The following SFMBT2 variants were observed in gnomAD, a reference collection of about 807,000 sequenced individuals.
SFMBT2 encodes Scm like with four mbt domains 2.
Under a neutral mutation model 110.1 loss-of-function variants are expected in SFMBT2, and 38 were observed. The observed-to-expected ratio is 0.35, with a 90% confidence interval of 0.27 to 0.45. The LOEUF (loss-of-function observed/expected upper bound fraction) is 0.45. SFMBT2 is among the 20% of genes least tolerant of loss of function. The probability of loss-of-function intolerance (pLI) is 1.00; values close to 1 mark genes in which losing one functional copy is unlikely to be tolerated. For missense variants in SFMBT2, 1,011 were observed against 1,094.9 expected, an observed-to-expected ratio of 0.92 and a Z score of 1.08; for synonymous variants, 425 against 425.4, an observed-to-expected ratio of 1.00 and a Z score of 0.01.
At chr10:7,345,075 A>G (rs540038161) in intron 4 of SFMBT2, among the ~76,000 whole-genome samples, 2 of 152,096 alleles carry the variant, frequency 1.3e-5, no homozygotes, top group Non-Finnish European at 2.9e-5. Flanking sequence ...AAGTGAAAGA[A>G]CCCTGACAGG....
chr10:7,339,093 A>G (rs1454410670), intron 4 of SFMBT2, among the ~76,000 whole-genome samples: 2 of 152,158 alleles, frequency 1.3e-5, no homozygotes, highest in Admixed American at 6.5e-5. Flanking sequence ...TACAAAAATT[A>G]GCCAGGCATG....
intron 9 of SFMBT2, among the ~76,000 whole-genome samples, chr10:7,235,873 A>C (rs1028472001): frequency 6.6e-6 from 1 of 152,166 alleles, no homozygotes; most frequent in African/African-American, 2.4e-5. Flanking sequence ...TACATTACCA[A>C]AACTATCTCA....
At chr10:7,199,251 T>C (rs138500401) in intron 14 of SFMBT2, among the ~76,000 whole-genome samples, 7 of 152,290 alleles carry the variant, frequency 4.6e-5, no homozygotes, top group Admixed American at 4.6e-4. Flanking sequence ...AGTGCTGGAA[T>C]TACAGGCATG....
chr10:7,214,224 C>T (rs1363314598), intron 11 of SFMBT2, among the ~76,000 whole-genome samples: 1 of 152,234 alleles, frequency 6.6e-6, no homozygotes, highest in East Asian at 1.9e-4. Context: ...AAGAAAACGT[C>T]CAGCATCTTC....
Position 7,243,551 on chromosome 10 carries a change from T to A in SFMBT2, c.1120+7A>T. On this transcript the variant is annotated splice_region_variant and intron_variant, in intron 9 of 20. Coordinates refer to ENST00000397167, the MANE Select transcript of SFMBT2 (RefSeq NM_001387889.1). Reference sequence around the variant, plus strand: ...CCAGACCCTGCATACCTTCACAGAATACAAACCTTTGGGAGGAGTGAGGCT... The same window carrying A: ...CCAGACCCTGCATACCTTCACAGAAAACAAACCTTTGGGAGGAGTGAGGCT... 1.1e-6 allele frequency: 1 copy of A among 872,686 alleles called. No individual in the cohort carries two copies. Among genetic ancestry groups the A allele is most frequent in the Non-Finnish European group, 2.0e-6 (1 of 501,592 alleles). The allele number at this position is 872,686 out of a possible 1,614,324, so 54.1% of individuals were successfully genotyped here.
intron 2 of SFMBT2, chr10:7,370,642 G>A (rs1372729334): frequency 6.0e-6 from 1 of 167,276 alleles, no homozygotes; most frequent in Non-Finnish European, 1.2e-5. Context: ...CATGAGACAT[G>A]TTCCAACGCA....
intron 11 of SFMBT2, chr10:7,214,496 G>A (rs1024305211): frequency 5.5e-5 from 50 of 908,444 alleles, no homozygotes; most frequent in Non-Finnish European, 6.3e-5. Context: ...ATGGGCAAAG[G>A]ACAGATTAGA....
At chr10:7,240,006 G>T (rs147006588) in intron 9 of SFMBT2, among the ~76,000 whole-genome samples, 1 of 151,818 alleles carries the variant, frequency 6.6e-6, no homozygotes. Context: ...TCATCTTTAG[G>T]ATCCCTTTCA....
chr10:7,345,990 T>G (rs944530662), intron 4 of SFMBT2, among the ~76,000 whole-genome samples: 1 of 152,144 alleles, frequency 6.6e-6, no homozygotes, highest in Non-Finnish European at 1.5e-5. Context: ...CGCAGAGCAC[T>G]CGGTTGCTAC....
chr10:7,344,377 T>TA, intron 4 of SFMBT2, among the ~76,000 whole-genome samples: 1 of 152,078 alleles, frequency 6.6e-6, no homozygotes, highest in East Asian at 1.9e-4. Context: ...TGATAGTGAG[T>TA]AAGTCTCACA....
chr10:7,370,330 T>C lies in SFMBT2; in HGVS notation c.146A>G (p.Tyr49Cys). ...LEETGFNWGE[Y>C]LEETGASAAP... ...AGCACTTGCTCCTGTCTCTTCCAAATATTCTCCCCAGTTAAAGCCAGTTTC... is the reference window on the plus strand; with the variant it reads ...AGCACTTGCTCCTGTCTCTTCCAAACATTCTCCCCAGTTAAAGCCAGTTTC... The change falls in exon 3 of 21, where the codon TAT (tyrosine) becomes TGT (cysteine). Residue 49 changes from tyrosine to cysteine, a missense_variant. By Grantham distance (194) the Tyr-to-Cys change is radical. Around this residue, in one of 2 missense-constraint regions of SFMBT2, gnomAD observed 979 missense variants for 1,016.1 expected, o/e 0.96. Transcript: ENST00000397167. The C allele has an allele frequency of 5.6e-6, 9 of 1,614,164 alleles. No homozygotes were observed. The highest frequency in any genetic ancestry group is 1.3e-5 in the African/African-American group (1 of 75,058).
intron 4 of SFMBT2, among the ~76,000 whole-genome samples, chr10:7,355,167 ATT>A (rs1447965439): frequency 6.6e-6 from 1 of 152,234 alleles, no homozygotes; most frequent in Non-Finnish European, 1.5e-5. Context: ...TTTTTTAATC[ATT>A]TTGTTCAAAA....
intron 4 of SFMBT2, among the ~76,000 whole-genome samples, chr10:7,328,982 C>T (rs1843479270): frequency 6.6e-6 from 1 of 152,216 alleles, no homozygotes; most frequent in South Asian, 2.1e-4. Flanking sequence ...AACTTGAGAG[C>T]TTGCCTTACT....
chr10:7,321,201 C>CA (rs1554803877), intron 4 of SFMBT2, among the ~76,000 whole-genome samples: 2 of 130,490 alleles, frequency 1.5e-5, no homozygotes, highest in Non-Finnish European at 3.2e-5. Flanking sequence ...TATGAGCATC[C>CA]TTTTTTTTTT....
At chr10:7,376,929 G>C (rs1845239480) in intron 2 of SFMBT2, among the ~76,000 whole-genome samples, 1 of 150,430 alleles carries the variant, frequency 6.6e-6, no homozygotes, top group African/African-American at 2.4e-5. Flanking sequence ...CCCAGCACTT[G>C]GGAGGCCGAG....
intron 10 of SFMBT2, among the ~76,000 whole-genome samples, chr10:7,224,392 G>T (rs577940788): frequency 6.6e-6 from 1 of 152,212 alleles, no homozygotes; most frequent in East Asian, 1.9e-4. Flanking sequence ...TCCCGATCCT[G>T]GCTCTCCACT....
chr10:7,306,555 C>A (rs963689173), intron 4 of SFMBT2, among the ~76,000 whole-genome samples: 1 of 152,074 alleles, frequency 6.6e-6, no homozygotes, highest in Non-Finnish European at 1.5e-5. Flanking sequence ...CGCTAACCCC[C>A]GCTGTAGAGT....
Position 7,370,306 on chromosome 10 carries a change from G to A in SFMBT2, c.170C>T (p.Ala57Val), listed in dbSNP as rs369162922. 2 of 1,613,848 alleles carry A rather than the reference G, an allele frequency of 1.2e-6. No homozygotes were observed. The highest frequency in any genetic ancestry group is 2.7e-5 in the African/African-American group (2 of 75,022). The change falls in exon 3 of 21, where the codon GCT (alanine) becomes GTT (valine). Residue 57 changes from alanine (A) to valine (V), a missense_variant. By Grantham distance (64) the Ala-to-Val change is moderately conservative. Transcript: ENST00000397167. Reference protein sequence around the residue: ...GEYLEETGASAAPHTSFKHVE... With the variant: ...GEYLEETGASVAPHTSFKHVE... ...GTGTTTGAATGATGTGTGGGGAGCA[G>A]CACTTGCTCCTGTCTCTTCCAAATA... is the stretch of plus-strand genomic sequence containing the variant.
Position 7,384,232 on chromosome 10 carries a change from A to AC in SFMBT2, c.-51-2284_-51-2283insG, listed in dbSNP as rs1423703933. Reference sequence around the variant, plus strand: ...ATCTCAAAAAAAAAAAAAAAAAAAAAAAAAAACAACCACAGAAAGGACAAA... The same window carrying AC: ...ATCTCAAAAAAAAAAAAAAAAAAAAACAAAAAACAACCACAGAAAGGACAAA... On this transcript the variant is annotated intron_variant, in intron 1 of 20. Transcript: ENST00000397167. Among the ~76,000 whole-genome samples the AC allele has an allele frequency of 1.1e-3, 166 of 149,970 alleles. 3 individuals are homozygous for AC. Among genetic ancestry groups the AC allele is most frequent in the Middle Eastern group, 3.5e-3 (1 of 286 alleles).
Sources: allele counts gnomAD v4.1 joint callset (sites outside exome capture counted in the v4.1 genomes callset), GRCh38; gene constraint gnomAD v4.1.1; regional missense constraint gnomAD v4.1.1; transcripts MANE v1.5; gene names NCBI Gene and HGNC (gene_info 2026-07-23, HGNC 2026-07-21).